SCARB2: variants seen among roughly 807,000 people sequenced by gnomAD.
SCARB2 encodes the protein lysosome membrane protein 2.
Under a neutral mutation model 58.6 loss-of-function variants are expected in SCARB2, and 29 were observed. That is an observed-to-expected ratio of 0.49 (90% CI 0.37 to 0.67). The LOEUF (loss-of-function observed/expected upper bound fraction) is 0.67, where lower values mean the gene tolerates loss of function less well. SCARB2 is among the 30% of genes least tolerant of loss of function. The probability of loss-of-function intolerance (pLI) is 0.00; values close to 1 mark genes in which losing one functional copy is unlikely to be tolerated. For missense variants in SCARB2, 488 were observed against 578.5 expected (o/e 0.84, Z 1.60); for synonymous variants, 195 against 210.1 (o/e 0.93, Z 0.62).
At chr4:76,196,431 C>T (rs898815662) in intron 1 of SCARB2, among the ~76,000 whole-genome samples, 1 of 152,186 alleles carries the variant, frequency 6.6e-6, no homozygotes, top group Non-Finnish European at 1.5e-5. Context: ...AAGCATGAAG[C>T]ATAGTGTTTC....
upstream of SCARB2, among the ~76,000 whole-genome samples, chr4:76,216,203 T>C (rs1733204632): frequency 6.6e-6 from 1 of 152,228 alleles, no homozygotes; most frequent in African/African-American, 2.4e-5. Flanking sequence ...AACTCTGCTC[T>C]GTGCCCCAGT....
intron 9 of SCARB2, among the ~76,000 whole-genome samples, chr4:76,167,852 T>G (rs561316801): frequency 6.6e-6 from 1 of 152,158 alleles, no homozygotes; most frequent in African/African-American, 2.4e-5. Context: ...CAGCTAATTT[T>G]TGTATTTTTA....
In SCARB2 at chr4:76,173,978, A is replaced by C; in HGVS notation, c.994+166T>G. On this transcript the variant is annotated intron_variant, in intron 7 of 11. Coordinates refer to ENST00000264896, the MANE Select transcript of SCARB2 (RefSeq NM_005506.4). Reference sequence around the variant, plus strand: ...AGACAGTGGTCTCGCCATGTTGCCCAGGATGGACTTGAGAACTCCTGGGCT... The same window carrying C: ...AGACAGTGGTCTCGCCATGTTGCCCCGGATGGACTTGAGAACTCCTGGGCT... The C allele has an allele frequency of 4.0e-6, 3 of 759,024 alleles. No individual in the cohort carries two copies. The Admixed American group carries it at 6.5e-5, about 17-fold the overall frequency. 47.0% of individuals were successfully genotyped at this position (759,024 alleles called of 1,614,324 possible).
chr4:76,180,061 C>CCGA, intron 3 of SCARB2: 2 of 293,430 alleles, frequency 6.8e-6, no homozygotes, highest in South Asian at 3.4e-5. Context: ...ATTATAAACC[C>CCGA]GACCTACACC....
At chr4:76,228,090 C>CTT (rs71659315) in intron 1 of SCARB2, among the ~76,000 whole-genome samples, 22,405 of 150,090 alleles carry the variant, frequency 0.15, 1,986 homozygotes, top group East Asian at 0.34. Context: ...GCCTGAATAC[C>CTT]TTTTTTTTTC....
intron 2 of SCARB2, among the ~76,000 whole-genome samples, chr4:76,190,317 C>T (rs972102742): frequency 6.6e-5 from 10 of 152,226 alleles, no homozygotes; most frequent in Non-Finnish European, 8.8e-5. Flanking sequence ...GTCTACTTGA[C>T]ATTTTAAATA....
chr4:76,181,190 T>A, intron 2 of SCARB2, 89 bp from the exon 3 acceptor site: 2 of 1,267,882 alleles, frequency 1.6e-6, no homozygotes, highest in Non-Finnish European at 2.3e-6. Flanking sequence ...AGTTATATTT[T>A]CAATATAACA....
At chr4:76,169,805 G>A in intron 8 of SCARB2, 62 bp downstream of exon 8, 1 of 1,316,442 alleles carries the variant, frequency 7.6e-7, no homozygotes, top group Non-Finnish European at 1.1e-6. Context: ...GACTAAACTG[G>A]TGAACAATGT....
intron 1 of SCARB2, among the ~76,000 whole-genome samples, chr4:76,227,402 G>A (rs903363660): frequency 3.9e-5 from 6 of 152,088 alleles, no homozygotes; most frequent in Non-Finnish European, 5.9e-5. Flanking sequence ...GTTTGAGAGG[G>A]TACTTGATAT....
chr4:76,213,093 G>A (rs1451508455), intron 1 of SCARB2: 1 of 360,828 alleles, frequency 2.8e-6, no homozygotes, highest in Non-Finnish European at 5.4e-6. Flanking sequence ...GTTTCTTCAT[G>A]AAGTGGGAAG....
chr4:76,174,527 C>A (rs1732206875), intron 6 of SCARB2: 2 of 553,756 alleles, frequency 3.6e-6, no homozygotes, highest in South Asian at 4.1e-5. Flanking sequence ...ACGGTGATAT[C>A]ATCCAAACAA....
intron 4 of SCARB2, 138 bp downstream of exon 4, chr4:76,179,379 C>T (rs1732331412): frequency 1.4e-6 from 1 of 698,358 alleles, no homozygotes; most frequent in Non-Finnish European, 2.5e-6. Context: ...TTCCAAAAAA[C>T]ACTCCATTTT....
chr4:76,200,061 G>A (rs908101664), intron 1 of SCARB2, among the ~76,000 whole-genome samples: 1 of 152,186 alleles, frequency 6.6e-6, no homozygotes, highest in Non-Finnish European at 1.5e-5. Flanking sequence ...CGGACTGTCT[G>A]GCACAGGAAG....
chr4:76,193,701 T>C (rs893085174), intron 2 of SCARB2: 1 of 152,254 alleles, frequency 6.6e-6, no homozygotes, highest in East Asian at 1.9e-4. Context: ...CCAATGCTGA[T>C]ACACCCATTG....
intron 1 of SCARB2, among the ~76,000 whole-genome samples, chr4:76,198,304 C>G (rs1365577993): frequency 1.3e-5 from 2 of 152,198 alleles, no homozygotes; most frequent in Admixed American, 6.5e-5. Flanking sequence ...GAACAGATGG[C>G]TAACCTCCCT....
At chr4:76,213,327 T>C (rs1372321686) in intron 1 of SCARB2, 100 bp downstream of exon 1, 1 of 817,870 alleles carries the variant, frequency 1.2e-6, no homozygotes, top group Non-Finnish European at 2.1e-6. Flanking sequence ...GCGCGGAGGG[T>C]CTGCCTGAGT....
chr4:76,176,618 C>T, intron 4 of SCARB2, 90 bp from the exon 5 acceptor site: 1 of 847,630 alleles, frequency 1.2e-6, no homozygotes, highest in South Asian at 1.4e-5. Flanking sequence ...TTTGGTCAAA[C>T]ACTAGCCCAG....
At chr4:76,226,702 G>A (rs551641838) in intron 1 of SCARB2, among the ~76,000 whole-genome samples, 15 of 152,268 alleles carry the variant, frequency 9.9e-5, no homozygotes, top group African/African-American at 3.1e-4. Flanking sequence ...AAGTCTCACT[G>A]CTTGTTACTG....
At chr4:76,220,804 G>A (rs56155931) in intron 1 of SCARB2, among the ~76,000 whole-genome samples, 7,706 of 152,214 alleles carry the variant, frequency 0.051, 643 homozygotes, top group African/African-American at 0.17. Context: ...AGAAATAAAA[G>A]GGATAACCAG....
Sources: gnomAD v4.1 joint callset for allele counts (sites outside exome capture counted in the v4.1 genomes callset) on GRCh38, gnomAD v4.1.1 for gene constraint, MANE v1.5 for transcripts, NCBI Gene and HGNC (gene_info 2026-07-23, HGNC 2026-07-21) for gene names.